Variants in RARB observed in about 807,000 individuals in gnomAD.
The protein encoded by RARB is HBV-activated protein.
Under a neutral mutation model 51.9 loss-of-function variants are expected in RARB, and 17 were observed. The ratio of observed to expected loss-of-function variants is 0.33; its 90% CI spans 0.22 to 0.49. The LOEUF is 0.49. RARB is among the 20% of genes least tolerant of loss of function. RARB has a pLI of 0.99. For missense variants in RARB, 369 were observed against 550.8 expected (o/e 0.67, Z 3.30); for synonymous variants, 215 against 195.4 (o/e 1.10, Z -0.84).
intron 2 of RARB, among the ~76,000 whole-genome samples, chr3:24,959,712 A>G (rs1696097763): frequency 6.6e-6 from 1 of 152,200 alleles, no homozygotes; most frequent in Non-Finnish European, 1.5e-5. Flanking sequence ...ATGAAAAGCC[A>G]GAGGATAATT....
At chr3:24,925,371 G>A (rs1695296934) in intron 2 of RARB, among the ~76,000 whole-genome samples, 1 of 152,026 alleles carries the variant, frequency 6.6e-6, no homozygotes, top group Non-Finnish European at 1.5e-5. Context: ...GGCCTGGCAT[G>A]GTGGCTCAAG....
chr3:25,359,132 A>C (rs1280331793), intron 5 of RARB, among the ~76,000 whole-genome samples: 1 of 151,724 alleles, frequency 6.6e-6, no homozygotes, highest in Non-Finnish European at 1.5e-5. Context: ...GGTTGGTAGG[A>C]TATCAGTTAC....
At chr3:25,027,253 A>AG (rs1238990308) in intron 2 of RARB, among the ~76,000 whole-genome samples, 1 of 152,114 alleles carries the variant, frequency 6.6e-6, no homozygotes, top group Non-Finnish European at 1.5e-5. Flanking sequence ...AGAGTTTGGA[A>AG]GGGGGAGCGA....
At chr3:25,173,914 T>C (rs1700692235) in intron 4 of RARB, among the ~76,000 whole-genome samples, 1 of 152,150 alleles carries the variant, frequency 6.6e-6, no homozygotes, top group South Asian at 2.1e-4. Context: ...TAATATCAGA[T>C]GGCCAGTTAT....
chr3:24,949,590 A>G (rs139641878), intron 2 of RARB, among the ~76,000 whole-genome samples: 2 of 152,334 alleles, frequency 1.3e-5, no homozygotes, highest in Non-Finnish European at 2.9e-5. Context: ...TGAGGCGAGA[A>G]TATGTATTTC....
At chr3:25,334,280 C>T in intron 5 of RARB, among the ~76,000 whole-genome samples, 1 of 152,228 alleles carries the variant, frequency 6.6e-6, no homozygotes, top group Middle Eastern at 3.4e-3. Context: ...AACCAACCCA[C>T]ATGTCCATTA....
intron 3 of RARB, among the ~76,000 whole-genome samples, chr3:25,532,280 G>A (rs1698962116): frequency 6.6e-6 from 1 of 152,108 alleles, no homozygotes; most frequent in South Asian, 2.1e-4. Context: ...CTTGAAATAT[G>A]TTTTCAATAT....
At chr3:25,231,372 G>T (rs1033791064) in intron 5 of RARB, among the ~76,000 whole-genome samples, 1 of 152,114 alleles carries the variant, frequency 6.6e-6, no homozygotes, top group African/African-American at 2.4e-5. Flanking sequence ...GAAGCACCAA[G>T]ACAAGGTACC....
Position 25,473,696 on chromosome 3 carries a change from G to A in RARB, c.306+12355G>A, listed in dbSNP as rs560646278. Reference sequence around the variant, plus strand: ...TCACTGGTGTCAAGATGTATGAGAAGGCATATATATAGTGAATTTCACTTC... The same window carrying A: ...TCACTGGTGTCAAGATGTATGAGAAAGCATATATATAGTGAATTTCACTTC... On this transcript the variant is annotated intron_variant, in intron 2 of 7. Transcript: ENST00000330688. Among the ~76,000 whole-genome samples, 3 of 152,186 alleles carry A rather than the reference G, an allele frequency of 2.0e-5. No homozygotes were observed. The East Asian group carries it at 5.8e-4, about 29-fold the overall frequency.
intron 2 of RARB, among the ~76,000 whole-genome samples, chr3:24,973,496 G>A (rs1191636272): frequency 1.3e-5 from 2 of 151,786 alleles, no homozygotes; most frequent in African/African-American, 4.8e-5. Context: ...TTGTTTCTAT[G>A]GAGAATATAA....
Position 25,515,164 on chromosome 3 carries a change from A to C in RARB, c.448+13841A>C, listed in dbSNP as rs183733540. On this transcript the variant is annotated intron_variant, in intron 3 of 7. Coordinates refer to ENST00000330688, the MANE Select transcript of RARB (RefSeq NM_000965.5). ...TGCAAAGCCCCATTTTGTTTTTACA[A>C]ATAGTGCCTTCTGTGTGGCATTGTA... Among the ~76,000 whole-genome samples, 17 of 152,354 alleles carry C rather than the reference A, an allele frequency of 1.1e-4. No homozygotes were observed. In the East Asian group the frequency reaches 2.9e-3, roughly 26 times the overall value.
chr3:25,122,369 G>GT (rs1465873525), intron 3 of RARB, among the ~76,000 whole-genome samples: 2 of 151,714 alleles, frequency 1.3e-5, no homozygotes, highest in African/African-American at 2.4e-5. Flanking sequence ...GACATACTAA[G>GT]TTTTTTTGAA....
At chr3:25,404,790 G>C (rs1707361698) in intron 5 of RARB, among the ~76,000 whole-genome samples, 1 of 152,100 alleles carries the variant, frequency 6.6e-6, no homozygotes, top group African/African-American at 2.4e-5. Flanking sequence ...AGATTTTTGT[G>C]GTTTCTGTTC....
At chr3:25,349,522 G>T (rs974842746) in intron 5 of RARB, among the ~76,000 whole-genome samples, 1 of 152,122 alleles carries the variant, frequency 6.6e-6, no homozygotes, top group African/African-American at 2.4e-5. Flanking sequence ...GAAACATATT[G>T]TCCTCCTAAT....
At chr3:24,978,487 G>C (rs916106843) in intron 2 of RARB, among the ~76,000 whole-genome samples, 2 of 152,122 alleles carry the variant, frequency 1.3e-5, no homozygotes, top group Non-Finnish European at 2.9e-5. Context: ...TCTTGGGAGG[G>C]TTTATGTGTC....
chr3:25,100,120 A>G (rs1699372105), intron 3 of RARB, among the ~76,000 whole-genome samples: 1 of 152,174 alleles, frequency 6.6e-6, no homozygotes. Flanking sequence ...ATTGATTGTC[A>G]TATCCCTCCA....
At chr3:25,455,214 C>G (rs922764796) in intron 1 of RARB, among the ~76,000 whole-genome samples, 2 of 152,156 alleles carry the variant, frequency 1.3e-5, no homozygotes, top group East Asian at 1.9e-4. Context: ...TCCATTAAAT[C>G]TAATTTTTTT....
At chr3:25,039,708 G>C (rs1264995873) in intron 2 of RARB, among the ~76,000 whole-genome samples, 7 of 152,188 alleles carry the variant, frequency 4.6e-5, no homozygotes, top group African/African-American at 1.7e-4. Context: ...TAAATTTGGA[G>C]GTAGAACTTT....
intron 2 of RARB, among the ~76,000 whole-genome samples, chr3:24,919,456 C>G (rs1164918971): frequency 6.6e-6 from 1 of 151,614 alleles, no homozygotes; most frequent in African/African-American, 2.4e-5. Flanking sequence ...TGTTCAAACC[C>G]TGTTCAAATA....
Sources: gnomAD v4.1 joint callset for allele counts (sites outside exome capture counted in the v4.1 genomes callset) on GRCh38, gnomAD v4.1.1 for gene constraint, MANE v1.5 for transcripts, NCBI Gene and HGNC (gene_info 2026-07-23, HGNC 2026-07-21) for gene names.